Variants in ATP13A3 observed in about 807,000 individuals in gnomAD.
ATP13A3 encodes the protein ATPase 13A3.
Under a neutral mutation model 158.1 loss-of-function variants are expected in ATP13A3, and 59 were observed. The observed-to-expected ratio is 0.37, with a 90% CI of 0.30 to 0.46. The LOEUF (loss-of-function observed/expected upper bound fraction) is 0.46. Among genes scored for constraint, ATP13A3 ranks in the 20% least tolerant of loss-of-function variants. The pLI, the probability that ATP13A3 is intolerant of heterozygous loss-of-function variation, is 1.00. For synonymous variants in ATP13A3, 491 were observed against 504.3 expected (o/e 0.97, Z 0.35); for missense variants, 1,166 against 1,525.2 (o/e 0.76, Z 3.92).
intron 2 of ATP13A3, among the ~76,000 whole-genome samples, chr3:194,466,863 T>A (rs1720018924): frequency 6.6e-6 from 1 of 152,142 alleles, no homozygotes; most frequent in African/African-American, 2.4e-5. Context: ...TTCCCACCCA[T>A]CTGAAGCTTT....
At chr3:194,459,745 C>A in intron 5 of ATP13A3, 44 bp downstream of exon 5, 2 of 1,553,900 alleles carry the variant, frequency 1.3e-6, no homozygotes, top group Non-Finnish European at 1.7e-6. Context: ...TAAAATGTAA[C>A]AATTCTGATT....
intron 2 of ATP13A3, among the ~76,000 whole-genome samples, chr3:194,462,958 T>A (rs1206885453): frequency 6.6e-6 from 1 of 152,210 alleles, no homozygotes; most frequent in Admixed American, 6.5e-5. Context: ...TCAGAAGTAG[T>A]GTAGTTTAAC....
At chr3:194,493,605 C>T (rs970099869) in intron 2 of ATP13A3, among the ~76,000 whole-genome samples, 1 of 152,034 alleles carries the variant, frequency 6.6e-6, no homozygotes, top group African/African-American at 2.4e-5. Context: ...TGAGATCACG[C>T]CACTGCACTC....
intron 2 of ATP13A3, among the ~76,000 whole-genome samples, chr3:194,463,554 G>T (rs989633210): frequency 2.0e-5 from 3 of 151,936 alleles, no homozygotes; most frequent in African/African-American, 7.3e-5. Flanking sequence ...ATGGGTTTCA[G>T]CCCCCCGAGT....
At chr3:194,491,295 C>T (rs1048299588), upstream of ATP13A3, among the ~76,000 whole-genome samples, 4 of 152,104 alleles carry the variant, frequency 2.6e-5, no homozygotes, top group African/African-American at 9.7e-5. Context: ...CAAATCAGCT[C>T]CTCTCTCCTG....
intron 31 of ATP13A3, among the ~76,000 whole-genome samples, chr3:194,415,671 T>G (rs1446487362): frequency 1.4e-5 from 2 of 141,858 alleles, no homozygotes; most frequent in South Asian, 2.4e-4. Flanking sequence ...CTTTTTTTTT[T>G]TTTTTTTTTT....
chr3:194,489,228 C>T (rs1186255206), upstream of ATP13A3, among the ~76,000 whole-genome samples: 2 of 152,050 alleles, frequency 1.3e-5, no homozygotes, highest in African/African-American at 2.4e-5. The surrounding 1 kb of genome is among the most constrained non-coding windows in gnomAD (Gnocchi z 4.1). Flanking sequence ...GTGGATCACA[C>T]GAGGTCAGGA....
chr3:194,441,461 T>C lies in ATP13A3; in HGVS notation c.1560A>G (p.Arg520=), dbSNP rs1718046833. The part of the protein sequence containing the change: ...LWGIQRVENA[R]FLSPEENVCN... Reference sequence around the variant, plus strand: ...ACACATTTTCTTCTGGTGAAAGAAATCTAAGCAGAAGACACACTGAATTAG... The same window carrying C: ...ACACATTTTCTTCTGGTGAAAGAAACCTAAGCAGAAGACACACTGAATTAG... The change falls in exon 16 of 34, where the codon CGA becomes CGG. Residue 520 remains arginine (R), a splice_region_variant and synonymous_variant. Coordinates refer to ENST00000645319, the MANE Select transcript of ATP13A3 (RefSeq NM_001367549.1). The C allele has an allele frequency of 6.2e-7, 1 of 1,611,734 alleles. No individual in the cohort carries two copies. Among genetic ancestry groups the C allele is most frequent in the African/African-American group, 1.3e-5 (1 of 74,934 alleles).
At chr3:194,431,060 G>C in intron 23 of ATP13A3, 38 bp from the exon 24 acceptor site, 1 of 1,613,600 alleles carries the variant, frequency 6.2e-7, no homozygotes, top group East Asian at 2.2e-5. Flanking sequence ...AAATACTGTT[G>C]CGATGCATTC....
At chr3:194,447,506 C>T (rs533468554) in intron 13 of ATP13A3, among the ~76,000 whole-genome samples, 51 of 152,018 alleles carry the variant, frequency 3.4e-4, no homozygotes, top group African/African-American at 1.2e-3. Context: ...CATTTTAACA[C>T]TGTATATTAC....
In ATP13A3 at chr3:194,405,196, C is replaced by T. The variant is rs1460877950; in HGVS notation, c.*723G>A. On this transcript the variant is annotated 3_prime_UTR_variant, in exon 34 of 34. Coordinates refer to ENST00000645319, the MANE Select transcript of ATP13A3 (RefSeq NM_001367549.1). ...AGCAAATTAGACTGCCAACACCACACATAGCACAGGAGCCATTTAAGAGCT... is the reference window on the plus strand; with the variant it reads ...AGCAAATTAGACTGCCAACACCACATATAGCACAGGAGCCATTTAAGAGCT... 2 of 152,218 alleles carry T rather than the reference C, an allele frequency of 1.3e-5. No homozygotes were observed. The highest frequency in any genetic ancestry group is 4.8e-5 in the African/African-American group (2 of 41,464). The allele number at this position is 152,218 out of a possible 1,614,324, so 9.4% of individuals were successfully genotyped here. A position where few individuals can be genotyped will look rare whatever the true frequency, so the allele number is the denominator to read the frequency against.
intron 9 of ATP13A3, 170 bp from the exon 10 acceptor site, chr3:194,453,948 A>G: frequency 4.6e-6 from 3 of 649,598 alleles, no homozygotes; most frequent in Non-Finnish European, 8.0e-6. Context: ...AGACAAAACA[A>G]GAAGCACTTT....
chr3:194,412,077 T>C (rs913358620), intron 33 of ATP13A3, 122 bp downstream of exon 33: 7 of 738,164 alleles, frequency 9.5e-6, no homozygotes, highest in African/African-American at 1.7e-5. Context: ...GAACACGTAA[T>C]AGAACAAGAA....
chr3:194,448,029 A>G lies in ATP13A3; in HGVS notation c.1151-20T>C. On this transcript the variant is annotated intron_variant, in intron 12 of 33. Transcript: ENST00000645319. This position sits in a 1 kb window ranked among gnomAD's most constrained non-coding sequence, Gnocchi z 4.0. ...TAAATCCTTTCAAAAAAAGAAGACA[A>G]TTATTGATATTTTTATAAGAAAATG... The G allele has an allele frequency of 6.4e-7, 1 of 1,560,348 alleles. No individual in the cohort carries two copies. The highest frequency in any genetic ancestry group is 8.8e-7 in the Non-Finnish European group (1 of 1,142,648).
rs758719116 is a variant in ATP13A3, at chr3:194,448,027, C to T, written c.1151-18G>A. 7 of 1,560,446 alleles carry T rather than the reference C, an allele frequency of 4.5e-6. No homozygotes were observed. Among genetic ancestry groups the T allele is most frequent in the Non-Finnish European group, 6.1e-6 (7 of 1,142,756 alleles). ...ACTAAATCCTTTCAAAAAAAGAAGA[C>T]AATTATTGATATTTTTATAAGAAAA... On this transcript the variant is annotated intron_variant, in intron 12 of 33. Transcript: ENST00000645319. This position sits in a 1 kb window ranked among gnomAD's most constrained non-coding sequence, Gnocchi z 4.0.
At chr3:194,473,607 G>C (rs148372665) in intron 2 of ATP13A3, among the ~76,000 whole-genome samples, 223 of 152,104 alleles carry the variant, frequency 1.5e-3, no homozygotes, top group African/African-American at 5.2e-3. Context: ...ATACCACCTT[G>C]AACGTGCCAA....
In ATP13A3 at chr3:194,421,111, G is replaced by GGTGT. The variant is rs1284255038; in HGVS notation, c.3314-1148_3314-1145dup. ...TATGTTTATATATACCAGTGTGTAG[G>GGTGT]GTGTATATATATATATATATATATA... On this transcript the variant is annotated intron_variant, in intron 30 of 33. Coordinates refer to ENST00000645319, the MANE Select transcript of ATP13A3 (RefSeq NM_001367549.1). Among the ~76,000 whole-genome samples, 15 of 4,548 alleles carry GGTGT rather than the reference G, an allele frequency of 3.3e-3. 1 individual carries two copies. Among genetic ancestry groups the GGTGT allele is most frequent in the South Asian group, 0.016 (1 of 64 alleles). The allele number at this position is 4,548 out of a possible 152,430, so 3.0% of individuals were successfully genotyped here.
intron 2 of ATP13A3, among the ~76,000 whole-genome samples, chr3:194,479,934 C>T (rs1560116760): frequency 6.6e-6 from 1 of 152,106 alleles, no homozygotes; most frequent in Non-Finnish European, 1.5e-5. Context: ...ATGAGGTTAA[C>T]ATCTTGAGCT....
intron 14 of ATP13A3, among the ~76,000 whole-genome samples, chr3:194,446,265 G>A (rs1360569426): frequency 1.3e-5 from 2 of 152,016 alleles, no homozygotes; most frequent in Non-Finnish European, 2.9e-5. Flanking sequence ...AGGCCCAGCC[G>A]CGACCACTAT....
Sources: allele counts gnomAD v4.1 joint callset (sites outside exome capture counted in the v4.1 genomes callset), GRCh38; gene constraint gnomAD v4.1.1; non-coding constraint Gnocchi (gnomAD v3.1); transcripts MANE v1.5; gene names NCBI Gene and HGNC (gene_info 2026-07-23, HGNC 2026-07-21).